Variants in CTNNA3 observed in about 807,000 individuals in gnomAD.
The protein encoded by CTNNA3 is catenin alpha-3.
In CTNNA3, 76 loss-of-function variants were observed where a neutral mutation model predicts 95.7. The observed-to-expected ratio is 0.79, with a 90% CI of 0.66 to 0.96. The LOEUF (loss-of-function observed/expected upper bound fraction) is 0.96. CTNNA3 is among the 40% of genes least tolerant of loss of function. The pLI, the probability that CTNNA3 is intolerant of heterozygous loss-of-function variation, is 0.00. For missense variants in CTNNA3, 1,191 were observed against 1,089.8 expected (o/e 1.09, Z -1.31); for synonymous variants, 431 against 374.4 (o/e 1.15, Z -1.74).
At chr10:66,667,754 C>G (rs570602864) in intron 9 of CTNNA3, among the ~76,000 whole-genome samples, 2 of 152,126 alleles carry the variant, frequency 1.3e-5, no homozygotes, top group South Asian at 4.2e-4. Flanking sequence ...TTTTAGTAGT[C>G]TGTACAGACA....
intron 7 of CTNNA3, among the ~76,000 whole-genome samples, chr10:67,177,770 C>A (rs892559581): frequency 1.2e-4 from 18 of 152,146 alleles, no homozygotes; most frequent in Non-Finnish European, 2.2e-4. Flanking sequence ...GGATGAGATA[C>A]AATAATACAC....
intron 12 of CTNNA3, among the ~76,000 whole-genome samples, chr10:66,367,460 C>T (rs888341492): frequency 6.7e-6 from 1 of 149,834 alleles, no homozygotes; most frequent in Admixed American, 6.7e-5. Context: ...TATATAGTTG[C>T]AACATTACAT....
intron 7 of CTNNA3, among the ~76,000 whole-genome samples, chr10:67,061,407 C>A (rs1855749143): frequency 6.6e-6 from 1 of 152,132 alleles, no homozygotes; most frequent in African/African-American, 2.4e-5. Flanking sequence ...GATGTGGTAT[C>A]AGAGTTCCTT....
chr10:67,574,843 AG>A (rs1842093999), intron 3 of CTNNA3, among the ~76,000 whole-genome samples: 2 of 152,192 alleles, frequency 1.3e-5, no homozygotes, highest in South Asian at 4.2e-4. Flanking sequence ...GGCCTCCCAA[AG>A]TGTTGGGATT....
intron 1 of CTNNA3, among the ~76,000 whole-genome samples, chr10:67,690,370 G>T (rs576520179): frequency 5.5e-4 from 84 of 152,266 alleles, no homozygotes; most frequent in African/African-American, 2.0e-3. Context: ...AGCTTCCACA[G>T]TGTGGAAGGG....
rs796498927 is a variant in CTNNA3, at chr10:66,360,723, C to CCTTT, written c.1732+18425_1732+18428dup. 1.8e-3 allele frequency among the ~76,000 whole-genome samples: 85 copies of CCTTT among 47,808 alleles called. 9 individuals carry two copies. The highest frequency in any genetic ancestry group is 6.0e-3 in the African/African-American group (71 of 11,846). The allele number at this position is 47,808 out of a possible 152,430, so 31.4% of individuals were successfully genotyped here. A position where few individuals can be genotyped will look rare whatever the true frequency, so the allele number is the denominator to read the frequency against. ...TTCTTTCTTTCCTCCTTCCTTTCTT[C>CCTTT]CTTTCTTTCTTTCTTTCTTTCTTCC... is the stretch of plus-strand genomic sequence containing the variant. On this transcript the variant is annotated intron_variant, in intron 12 of 17. Transcript: ENST00000433211.
intron 10 of CTNNA3, among the ~76,000 whole-genome samples, chr10:66,576,505 C>A (rs1843008012): frequency 6.6e-6 from 1 of 151,932 alleles, no homozygotes; most frequent in African/African-American, 2.4e-5. Flanking sequence ...GAAGCAGTCT[C>A]CAGAGTCTTT....
chr10:67,326,857 A>G (rs1390306663), intron 5 of CTNNA3, among the ~76,000 whole-genome samples: 2 of 152,176 alleles, frequency 1.3e-5, no homozygotes, highest in African/African-American at 4.8e-5. Flanking sequence ...TTCAGGGACA[A>G]AAATGAGTCA....
intron 15 of CTNNA3, among the ~76,000 whole-genome samples, chr10:66,013,196 T>C (rs963270443): frequency 1.3e-5 from 2 of 152,222 alleles, no homozygotes; most frequent in Non-Finnish European, 2.9e-5. Context: ...CCACCGTGCC[T>C]GGCCTCAATG....
At chr10:66,565,131 T>C (rs749288785) in intron 10 of CTNNA3, among the ~76,000 whole-genome samples, 8 of 152,134 alleles carry the variant, frequency 5.3e-5, no homozygotes, top group Non-Finnish European at 1.0e-4. Context: ...AGTAATGACA[T>C]TGTAAAAAAG....
chr10:66,725,208 A>C (rs886448204), intron 9 of CTNNA3, among the ~76,000 whole-genome samples: 1 of 152,138 alleles, frequency 6.6e-6, no homozygotes, highest in African/African-American at 2.4e-5. Flanking sequence ...TTTCATCTGT[A>C]GTTGGTTAAA....
At chr10:66,086,978 T>C (rs1040508397) in intron 14 of CTNNA3, among the ~76,000 whole-genome samples, 4 of 152,102 alleles carry the variant, frequency 2.6e-5, no homozygotes, top group African/African-American at 9.7e-5. Context: ...CAAGCATAGA[T>C]AAGCAAGATG....
intron 5 of CTNNA3, among the ~76,000 whole-genome samples, chr10:67,480,032 G>A (rs1010723712): frequency 4.0e-5 from 6 of 151,792 alleles, no homozygotes; most frequent in South Asian, 2.1e-4. Flanking sequence ...AGATTGAATC[G>A]GGAAGAGATT....
chr10:66,024,175 C>T (rs975380661), intron 15 of CTNNA3, among the ~76,000 whole-genome samples: 16 of 141,682 alleles, frequency 1.1e-4, no homozygotes, highest in African/African-American at 3.1e-4. Context: ...CCGCAAGCTC[C>T]GCCTCCCGGG....
intron 10 of CTNNA3, among the ~76,000 whole-genome samples, chr10:66,534,560 TA>T (rs1434414015): frequency 1.3e-5 from 2 of 149,572 alleles, no homozygotes; most frequent in Admixed American, 6.7e-5. Flanking sequence ...TTTATATATA[TA>T]AAAGAGAAAT....
chr10:66,394,437 C>T (rs951062049), intron 11 of CTNNA3, among the ~76,000 whole-genome samples: 1 of 151,566 alleles, frequency 6.6e-6, no homozygotes, highest in African/African-American at 2.4e-5. Flanking sequence ...TCACTCAGAC[C>T]ATACTCTTTT....
chr10:66,024,482 T>C (rs1303491884), intron 15 of CTNNA3, among the ~76,000 whole-genome samples: 1 of 152,218 alleles, frequency 6.6e-6, no homozygotes, highest in African/African-American at 2.4e-5. Context: ...TACTTTGTTG[T>C]ATGACCGTTT....
intron 13 of CTNNA3, among the ~76,000 whole-genome samples, chr10:66,214,027 T>C (rs964968717): frequency 6.6e-6 from 1 of 152,140 alleles, no homozygotes; most frequent in Non-Finnish European, 1.5e-5. Flanking sequence ...CTGTGTAATT[T>C]TGAAAGGATT....
chr10:66,287,516 A>T (rs111814656), intron 12 of CTNNA3, among the ~76,000 whole-genome samples: 7 of 152,134 alleles, frequency 4.6e-5, no homozygotes, highest in African/African-American at 1.7e-4. Context: ...TATTGCTTGG[A>T]TGTAAGAATA....
Sources: allele counts gnomAD v4.1 joint callset (sites outside exome capture counted in the v4.1 genomes callset), GRCh38; gene constraint gnomAD v4.1.1; transcripts MANE v1.5; gene names NCBI Gene and HGNC (gene_info 2026-07-23, HGNC 2026-07-21).